Variants in DCLK1 observed in about 807,000 individuals in gnomAD.
DCLK1 encodes the protein doublecortin like kinase 1.
DCLK1 carries 16 observed loss-of-function variants against 86.2 expected under a neutral mutation model. The ratio of observed to expected loss-of-function variants is 0.19; its 90% CI spans 0.13 to 0.28. The LOEUF is 0.28. DCLK1 is among the 10% of genes least tolerant of loss of function. The pLI is 1.00. For missense variants in DCLK1, 590 were observed against 940.2 expected (o/e 0.63, Z 4.87); for synonymous variants, 369 against 370.5 (o/e 1.00, Z 0.05).
intron 3 of DCLK1, among the ~76,000 whole-genome samples, chr13:36,087,790 C>G (rs775803979): frequency 1.3e-5 from 2 of 152,126 alleles, no homozygotes; most frequent in Non-Finnish European, 2.9e-5. Flanking sequence ...AAACACCTAT[C>G]CTGCTGTGGA....
At chr13:36,115,538 G>GTTTT (rs1449992319) in intron 2 of DCLK1, among the ~76,000 whole-genome samples, 1 of 151,912 alleles carries the variant, frequency 6.6e-6, no homozygotes, top group Non-Finnish European at 1.5e-5. Flanking sequence ...TTGTTTGTTT[G>GTTTT]TTTTTTCAGT....
At chr13:36,074,100 T>C (rs548938476) in intron 3 of DCLK1, among the ~76,000 whole-genome samples, 3 of 152,254 alleles carry the variant, frequency 2.0e-5, no homozygotes, top group South Asian at 4.1e-4. Flanking sequence ...TCAGACACAG[T>C]CTGGTATCAG....
In DCLK1 at chr13:35,795,507, T is replaced by G. The variant is rs532191797; in HGVS notation, c.1945-2028A>C. Among the ~76,000 whole-genome samples, 3 of 152,336 alleles carry G rather than the reference T, an allele frequency of 2.0e-5. No homozygotes were observed. The East Asian group carries it at 5.8e-4, about 29-fold the overall frequency. On this transcript the variant is annotated intron_variant, in intron 15 of 16. Transcript: ENST00000360631. Reference sequence around the variant, plus strand: ...TTTTTATAGTACATTATCCAGCTCTTGGTTCACTCTACAAGTGAAAGAGAA... The same window carrying G: ...TTTTTATAGTACATTATCCAGCTCTGGGTTCACTCTACAAGTGAAAGAGAA...
chr13:36,056,633 A>AG (rs1369886974), intron 3 of DCLK1, among the ~76,000 whole-genome samples: 8 of 145,294 alleles, frequency 5.5e-5, no homozygotes, highest in South Asian at 4.4e-4. Context: ...AAAAAAAAAA[A>AG]AAAGAAAGAA....
At chr13:36,113,568 T>G (rs1478470340) in intron 2 of DCLK1, among the ~76,000 whole-genome samples, 1 of 152,116 alleles carries the variant, frequency 6.6e-6, no homozygotes, top group Non-Finnish European at 1.5e-5. Context: ...AGCAGTGTTT[T>G]GGGAGTTTTC....
intron 4 of DCLK1, among the ~76,000 whole-genome samples, chr13:35,921,605 G>T (rs1428855669): frequency 6.6e-6 from 1 of 152,110 alleles, no homozygotes; most frequent in Non-Finnish European, 1.5e-5. Context: ...AGACCTTAAG[G>T]TTCCATGAGG....
intron 3 of DCLK1, among the ~76,000 whole-genome samples, chr13:36,091,581 TG>T (rs1884830449): frequency 6.6e-6 from 1 of 152,198 alleles, no homozygotes; most frequent in Non-Finnish European, 1.5e-5. Flanking sequence ...TTCTTTCTTC[TG>T]TCTGCTTCTC....
At chr13:35,917,437 G>A (rs866082197) in intron 4 of DCLK1, among the ~76,000 whole-genome samples, 79 of 152,108 alleles carry the variant, frequency 5.2e-4, no homozygotes, top group Admixed American at 1.3e-3. Flanking sequence ...ATGCTTCGGG[G>A]GTTGCCAGGT....
At chr13:36,062,119 G>T (rs1566665070) in intron 3 of DCLK1, among the ~76,000 whole-genome samples, 1 of 151,988 alleles carries the variant, frequency 6.6e-6, no homozygotes, top group Non-Finnish European at 1.5e-5. Flanking sequence ...ATAAATGTGG[G>T]TGTTCCCATT....
At chr13:36,036,160 C>T (rs966986620) in intron 3 of DCLK1, among the ~76,000 whole-genome samples, 2 of 152,174 alleles carry the variant, frequency 1.3e-5, no homozygotes, top group African/African-American at 4.8e-5. Flanking sequence ...CCACCCCTTT[C>T]CATGGAAACA....
At chr13:36,057,606 G>T (rs1883385132) in intron 3 of DCLK1, among the ~76,000 whole-genome samples, 1 of 152,176 alleles carries the variant, frequency 6.6e-6, no homozygotes, top group Non-Finnish European at 1.5e-5. Flanking sequence ...TTCAGGCCTT[G>T]TTTTGTGTGA....
intron 6 of DCLK1, chr13:35,846,656 T>TC (rs1471503899): frequency 2.0e-6 from 2 of 985,250 alleles, no homozygotes; most frequent in Non-Finnish European, 2.4e-6. Flanking sequence ...GTATATTGAA[T>TC]TCAGTGTATC....
chr13:35,874,715 A>G (rs1872496059), intron 4 of DCLK1, among the ~76,000 whole-genome samples: 1 of 152,254 alleles, frequency 6.6e-6, no homozygotes, highest in African/African-American at 2.4e-5. Flanking sequence ...ATACAATAGG[A>G]AAACCAGGAC....
At chr13:35,794,127 G>A (rs1170472692) in intron 15 of DCLK1, among the ~76,000 whole-genome samples, 1 of 152,190 alleles carries the variant, frequency 6.6e-6, no homozygotes, top group African/African-American at 2.4e-5. Flanking sequence ...CTATGACTGA[G>A]GCTGGACACA....
rs1232450187 is a variant in DCLK1, at chr13:35,809,047, G to A, written c.1737C>T (p.Ile579=). ...DIWAAGVITY[I]LLCGFPPFRG... ...GGAATGGAGGGAAACCACACAGCAG[G>A]ATATAAGTGATTACACCTGCTGCCC... The change falls in exon 13 of 17, where the codon ATC becomes ATT. Residue 579 remains isoleucine, a synonymous_variant. Coordinates refer to ENST00000360631, the MANE Select transcript of DCLK1 (RefSeq NM_001330071.2). 1.9e-6 allele frequency: 3 copies of A among 1,612,786 alleles called. No homozygotes were observed. The highest frequency in any genetic ancestry group is 2.5e-6 in the Non-Finnish European group (3 of 1,179,096).
At chr13:35,807,507 T>C (rs1186743715) in intron 14 of DCLK1, among the ~76,000 whole-genome samples, 1 of 152,252 alleles carries the variant, frequency 6.6e-6, no homozygotes, top group Non-Finnish European at 1.5e-5. Flanking sequence ...TTCTGATTAA[T>C]TGATGGATTC....
At chr13:35,827,575 T>C in intron 10 of DCLK1, 60 bp downstream of exon 10, 1 of 1,597,170 alleles carries the variant, frequency 6.3e-7, no homozygotes. Flanking sequence ...GAAAGAGCTC[T>C]AGAATATAGG....
intron 4 of DCLK1, among the ~76,000 whole-genome samples, chr13:35,888,214 A>G (rs1451094075): frequency 6.6e-6 from 1 of 152,198 alleles, no homozygotes; most frequent in African/African-American, 2.4e-5. Context: ...TATCCTTCCC[A>G]CCAACTGTCT....
At chr13:35,932,564 G>A (rs1876515824) in intron 4 of DCLK1, among the ~76,000 whole-genome samples, 1 of 152,206 alleles carries the variant, frequency 6.6e-6, no homozygotes, top group Non-Finnish European at 1.5e-5. Context: ...AAGGCAAGGA[G>A]GAGCAAGTAA....
Sources: allele counts gnomAD v4.1 joint callset (sites outside exome capture counted in the v4.1 genomes callset), GRCh38; gene constraint gnomAD v4.1.1; transcripts MANE v1.5; gene names NCBI Gene and HGNC (gene_info 2026-07-23, HGNC 2026-07-21).